TTLL7: variants seen among roughly 807,000 people sequenced by gnomAD.
The protein encoded by TTLL7 is tubulin tyrosine ligase like 7.
Under a neutral mutation model 120.2 loss-of-function variants are expected in TTLL7, and 53 were observed. The observed-to-expected ratio is 0.44, with a 90% CI of 0.35 to 0.55. The LOEUF (loss-of-function observed/expected upper bound fraction) is 0.55, where lower values mean the gene tolerates loss of function less well. Ranked by LOEUF, TTLL7 falls within the 20% of genes least tolerant of loss-of-function variation. The pLI is 0.00. For missense variants in TTLL7, 803 were observed against 1,054.7 expected (o/e 0.76, Z 3.31); for synonymous variants, 353 against 351.7 (o/e 1.00, Z -0.04).
At chr1:83,950,126 T>C (rs1269313033) in intron 3 of TTLL7, 140 bp from the exon 4 acceptor site, 1 of 777,066 alleles carries the variant, frequency 1.3e-6, no homozygotes, top group African/African-American at 1.8e-5. Context: ...TATTTTTAGT[T>C]ACAACAGTTT....
intron 20 of TTLL7, among the ~76,000 whole-genome samples, chr1:83,873,972 A>T (rs1439413278): frequency 6.6e-6 from 1 of 152,142 alleles, no homozygotes; most frequent in Admixed American, 6.6e-5. Context: ...ATAGTGAAAT[A>T]CATAACATGA....
intron 1 of TTLL7, among the ~76,000 whole-genome samples, chr1:83,997,667 T>G (rs766008538): frequency 1.3e-5 from 2 of 152,208 alleles, no homozygotes; most frequent in African/African-American, 2.4e-5. Context: ...AACATTATCT[T>G]AGTATGGGTT....
intron 1 of TTLL7, among the ~76,000 whole-genome samples, chr1:83,953,343 A>G (rs1308816729): frequency 6.6e-6 from 1 of 152,202 alleles, no homozygotes. Context: ...AATGAAAAAT[A>G]AAACCTATTA....
chr1:83,900,030 A>C (rs1270703705), intron 18 of TTLL7: 3 of 290,000 alleles, frequency 1.0e-5, no homozygotes, highest in Non-Finnish European at 2.0e-5. Flanking sequence ...AACTGAGCAT[A>C]ATAACCCTAA....
rs117459669 is a variant in TTLL7, at chr1:83,888,535, C to A, written c.2369+1786G>T. 7.9e-5 allele frequency among the ~76,000 whole-genome samples: 12 copies of A among 151,962 alleles called. No individual in the cohort carries two copies. In the East Asian group the frequency reaches 2.3e-3, roughly 29 times the overall value. The stretch of plus-strand genomic sequence containing the variant: ...ATTCTGAGATCATTTCAGAATAGAA[C>A]AGTCTGTTAAGGTTTTACAGAAGAG... On this transcript the variant is annotated intron_variant, in intron 19 of 20. Coordinates refer to ENST00000260505, the MANE Select transcript of TTLL7 (RefSeq NM_024686.6).
chr1:83,980,749 T>C (rs1195606249), intron 1 of TTLL7: 1 of 152,138 alleles, frequency 6.6e-6, no homozygotes, highest in Non-Finnish European at 1.5e-5. Flanking sequence ...ATTGCTAACA[T>C]ACAATTCTTT....
intron 1 of TTLL7, among the ~76,000 whole-genome samples, chr1:83,998,603 C>T (rs1027425584): frequency 3.9e-5 from 6 of 152,218 alleles, no homozygotes; most frequent in African/African-American, 7.2e-5. Flanking sequence ...AATAAACCAG[C>T]AGGGAGCCTC....
chr1:83,986,116 A>G (rs1228389236), intron 1 of TTLL7, among the ~76,000 whole-genome samples: 1 of 152,254 alleles, frequency 6.6e-6, no homozygotes. Context: ...AAAAGAAACT[A>G]CAGACCAATA....
chr1:83,993,070 C>A (rs1653154163), intron 1 of TTLL7, among the ~76,000 whole-genome samples: 1 of 152,052 alleles, frequency 6.6e-6, no homozygotes, highest in Non-Finnish European at 1.5e-5. Context: ...TCAAATTAAA[C>A]CCAAAGATGC....
intron 15 of TTLL7, among the ~76,000 whole-genome samples, chr1:83,910,731 C>A (rs554296856): frequency 6.6e-6 from 1 of 152,030 alleles, no homozygotes; most frequent in Non-Finnish European, 1.5e-5. Flanking sequence ...CTTACAGATA[C>A]ATTCAAGTCA....
At chr1:83,916,956 C>T (rs972848254) in intron 14 of TTLL7, among the ~76,000 whole-genome samples, 7 of 151,750 alleles carry the variant, frequency 4.6e-5, no homozygotes, top group Non-Finnish European at 8.8e-5. Flanking sequence ...TTTTAATTAG[C>T]CAGGCATGGT....
At chr1:83,886,723 C>T (rs1655005732) in intron 19 of TTLL7, among the ~76,000 whole-genome samples, 1 of 151,742 alleles carries the variant, frequency 6.6e-6, no homozygotes, top group African/African-American at 2.4e-5. Flanking sequence ...ATGGGGCTTT[C>T]CCAAACCATG....
At chr1:83,901,008 G>T (rs1233270889) in intron 18 of TTLL7, among the ~76,000 whole-genome samples, 1 of 151,832 alleles carries the variant, frequency 6.6e-6, no homozygotes, top group East Asian at 1.9e-4. Flanking sequence ...TCTTTTCATG[G>T]TCTTTCTATA....
At chr1:83,914,649 CT>C (rs1017946590) in intron 14 of TTLL7, among the ~76,000 whole-genome samples, 5 of 152,078 alleles carry the variant, frequency 3.3e-5, no homozygotes, top group Admixed American at 3.3e-4. Context: ...TCTCTTAATG[CT>C]TAGAGCACTA....
intron 18 of TTLL7, among the ~76,000 whole-genome samples, chr1:83,891,955 G>A (rs939278233): frequency 2.0e-5 from 3 of 151,838 alleles, no homozygotes; most frequent in East Asian, 2.0e-4. Context: ...AGCCTCCTGA[G>A]GAGGTGGGAC....
At chr1:83,957,511 C>T (rs1202794636) in intron 1 of TTLL7, among the ~76,000 whole-genome samples, 2 of 152,110 alleles carry the variant, frequency 1.3e-5, no homozygotes, top group East Asian at 3.9e-4. Flanking sequence ...TTTCACATAA[C>T]TTTATTTAGT....
At chr1:83,905,100 A>G (rs1657069308) in intron 17 of TTLL7, among the ~76,000 whole-genome samples, 1 of 151,970 alleles carries the variant, frequency 6.6e-6, no homozygotes, top group Non-Finnish European at 1.5e-5. Flanking sequence ...TATATAAAAT[A>G]AAGTGCTACA....
chr1:83,936,117 C>T (rs1647370541), intron 8 of TTLL7, among the ~76,000 whole-genome samples: 2 of 152,226 alleles, frequency 1.3e-5, no homozygotes, highest in Admixed American at 6.5e-5. Context: ...TTATACTTAA[C>T]GTTCTAACAG....
At chr1:83,906,287 A>C (rs749260252) in intron 17 of TTLL7, 42 bp downstream of exon 17, 2 of 1,494,564 alleles carry the variant, frequency 1.3e-6, no homozygotes, top group Non-Finnish European at 1.8e-6. Context: ...AAGAATAAAA[A>C]GGTACCAGCT....
Sources: gnomAD v4.1 joint callset for allele counts (sites outside exome capture counted in the v4.1 genomes callset) on GRCh38, gnomAD v4.1.1 for gene constraint, MANE v1.5 for transcripts, NCBI Gene and HGNC (gene_info 2026-07-23, HGNC 2026-07-21) for gene names.